ADAMTS2: variants seen among roughly 807,000 people sequenced by gnomAD.
The protein encoded by ADAMTS2 is A disintegrin and metalloproteinase with thrombospondin motifs 2.
In ADAMTS2, 50 loss-of-function variants were observed where a neutral mutation model predicts 123.0. The ratio of observed to expected loss-of-function variants is 0.41; its 90% CI spans 0.32 to 0.51. The LOEUF is 0.51. Ranked by LOEUF, ADAMTS2 falls within the 20% of genes least tolerant of loss-of-function variation. ADAMTS2 has a pLI of 0.35. For synonymous variants in ADAMTS2, 678 were observed against 695.4 expected (o/e 0.98, Z 0.39); for missense variants, 1,494 against 1,705.2 (o/e 0.88, Z 2.18).
In ADAMTS2 at chr5:179,162,298, C is replaced by A. The variant is rs1333140930; in HGVS notation, c.976-3419G>T. Among the ~76,000 whole-genome samples, 1 of 151,540 alleles carries A rather than the reference C, an allele frequency of 6.6e-6. No homozygotes were observed. The highest frequency in any genetic ancestry group is 1.5e-5 in the Non-Finnish European group (1 of 68,026). ...AATCCCAGCACCACGCCTTCCTGGC[C>A]ACCATGAAGGATCAGGGTGAACATA... is the stretch of plus-strand genomic sequence containing the variant. On this transcript the variant is annotated intron_variant, in intron 5 of 21. Coordinates refer to ENST00000251582, the MANE Select transcript of ADAMTS2 (RefSeq NM_014244.5). This position sits in a 1 kb window ranked among gnomAD's most constrained non-coding sequence, Gnocchi z 5.1.
chr5:179,217,794 AAGG>A (rs1351324274), intron 3 of ADAMTS2, among the ~76,000 whole-genome samples: 4 of 91,284 alleles, frequency 4.4e-5, no homozygotes, highest in African/African-American at 1.5e-4. Flanking sequence ...GGGATGGCGC[AAGG>A]GGGGGATGGG....
At chr5:179,245,047 T>C (rs1184115807) in intron 3 of ADAMTS2, among the ~76,000 whole-genome samples, 1 of 152,182 alleles carries the variant, frequency 6.6e-6, no homozygotes, top group East Asian at 1.9e-4. Context: ...AAAATTAACA[T>C]TGTAAATCAG....
At chr5:179,266,993 G>A (rs527919225) in intron 3 of ADAMTS2, among the ~76,000 whole-genome samples, 3 of 152,300 alleles carry the variant, frequency 2.0e-5, no homozygotes, top group African/African-American at 7.2e-5. Context: ...TGTGAGACTG[G>A]AGGGCGCCAT....
In ADAMTS2 at chr5:179,129,963, A is replaced by G; in HGVS notation, c.2426T>C (p.Met809Thr). The G allele has an allele frequency of 6.2e-7, 1 of 1,613,868 alleles. No homozygotes were observed. The highest frequency in any genetic ancestry group is 8.5e-7 in the Non-Finnish European group (1 of 1,179,992). Residue 809 changes from methionine to threonine, a missense_variant, in exon 16 of 22, where the codon ATG (methionine) becomes ACG (threonine). Around this residue, in one of 6 missense-constraint regions of ADAMTS2, gnomAD observed 953 missense variants for 1,124.7 expected, o/e 0.85. Coordinates refer to ENST00000251582, the MANE Select transcript of ADAMTS2 (RefSeq NM_014244.5). The surrounding 1 kb of genome is among the most constrained non-coding windows in gnomAD (Gnocchi z 4.1). ...GGTGATGGTGCCGTGGAGGGGGCCC[A>G]TGGTCTGCAGCGTCTCCCGGCCGTC... ...DEDGRETLQT[M>T]GPLHGTITVL...
In ADAMTS2 at chr5:179,317,959, G is replaced by C. The variant is rs941759281; in HGVS notation, c.534+25808C>G. Among the ~76,000 whole-genome samples the C allele has an allele frequency of 2.6e-5, 4 of 152,296 alleles. No individual in the cohort carries two copies. The highest frequency in any genetic ancestry group is 4.4e-5 in the Non-Finnish European group (3 of 68,022). ...CTCATCCAGGGCTGGGGTGGAGCCG[G>C]GACATGAGGAACGGGCAGTGATGAA... On this transcript the variant is annotated intron_variant, in intron 2 of 21. Coordinates refer to ENST00000251582, the MANE Select transcript of ADAMTS2 (RefSeq NM_014244.5). This position sits in a 1 kb window ranked among gnomAD's most constrained non-coding sequence, Gnocchi z 4.9.
At chr5:179,224,955 A>G (rs1051769621) in intron 3 of ADAMTS2, among the ~76,000 whole-genome samples, 1 of 152,136 alleles carries the variant, frequency 6.6e-6, no homozygotes, top group African/African-American at 2.4e-5. Flanking sequence ...GTTCTGGCCA[A>G]CCAGAGTGAG....
chr5:179,317,895 C>T lies in ADAMTS2; in HGVS notation c.534+25872G>A, dbSNP rs1327534961. Among the ~76,000 whole-genome samples the T allele has an allele frequency of 6.6e-6, 1 of 152,132 alleles. No homozygotes were observed. The highest frequency in any genetic ancestry group is 1.5e-5 in the Non-Finnish European group (1 of 68,028). The stretch of plus-strand genomic sequence containing the variant: ...GTGTAGACTGGGCCAGGGAAAGGTT[C>T]TGGAAACCCAGACTGAAGGTTCCCT... On this transcript the variant is annotated intron_variant, in intron 2 of 21. Coordinates refer to ENST00000251582, the MANE Select transcript of ADAMTS2 (RefSeq NM_014244.5). The surrounding 1 kb of genome is among the most constrained non-coding windows in gnomAD (Gnocchi z 4.9).
At chr5:179,145,567 C>T (rs1581151225) in intron 10 of ADAMTS2, among the ~76,000 whole-genome samples, 2 of 152,266 alleles carry the variant, frequency 1.3e-5, no homozygotes, top group East Asian at 1.9e-4. Flanking sequence ...CAGGGATGAG[C>T]CCTGTGAACA....
chr5:179,182,577 A>G (rs866749907), intron 4 of ADAMTS2, among the ~76,000 whole-genome samples: 1 of 152,186 alleles, frequency 6.6e-6, no homozygotes, highest in African/African-American at 2.4e-5. Flanking sequence ...GCCCGCTGGC[A>G]TCGGTGCTGG....
chr5:179,124,466 C>T (rs1282813842), intron 19 of ADAMTS2, among the ~76,000 whole-genome samples: 1 of 152,192 alleles, frequency 6.6e-6, no homozygotes, highest in African/African-American at 2.4e-5. Flanking sequence ...CCCCTAGGAT[C>T]CTGGAGCCCC....
Position 179,286,946 on chromosome 5 carries a change from C to G in ADAMTS2, c.535-13882G>C, listed in dbSNP as rs554494486. ...GTCATTCATGTTGAATCAGTGACTTCATTTTCAGTTAATTATCTCTTTAAA... is the reference window on the plus strand; with the variant it reads ...GTCATTCATGTTGAATCAGTGACTTGATTTTCAGTTAATTATCTCTTTAAA... On this transcript the variant is annotated intron_variant, in intron 2 of 21. Coordinates refer to ENST00000251582, the MANE Select transcript of ADAMTS2 (RefSeq NM_014244.5). Among the ~76,000 whole-genome samples the G allele has an allele frequency of 2.0e-5, 3 of 152,316 alleles. No individual in the cohort carries two copies. In the South Asian group the frequency reaches 6.2e-4, roughly 32 times the overall value.
chr5:179,328,348 A>C (rs1291190516), intron 2 of ADAMTS2, among the ~76,000 whole-genome samples: 1 of 152,242 alleles, frequency 6.6e-6, no homozygotes, highest in South Asian at 2.1e-4. Flanking sequence ...TTATTTCAGA[A>C]GGACTTTTTG....
intron 4 of ADAMTS2, among the ~76,000 whole-genome samples, chr5:179,196,729 G>C (rs1355723114): frequency 6.6e-6 from 1 of 152,188 alleles, no homozygotes; most frequent in Non-Finnish European, 1.5e-5. Flanking sequence ...CACTAAGCAA[G>C]TACATTTCTG....
At chr5:179,306,133 TA>T (rs965928377) in intron 2 of ADAMTS2, among the ~76,000 whole-genome samples, 96 of 142,150 alleles carry the variant, frequency 6.8e-4, no homozygotes, top group Middle Eastern at 7.1e-3. Flanking sequence ...GACAGTTCAA[TA>T]AAAAAAAAAA....
At chr5:179,274,707 C>G (rs1029216296) in intron 2 of ADAMTS2, among the ~76,000 whole-genome samples, 2 of 152,220 alleles carry the variant, frequency 1.3e-5, no homozygotes, top group South Asian at 2.1e-4. Context: ...GTCAGTGCCC[C>G]CCAGGGCCTG....
chr5:179,299,255 C>T (rs375099427), intron 2 of ADAMTS2, among the ~76,000 whole-genome samples: 41 of 149,668 alleles, frequency 2.7e-4, no homozygotes, highest in South Asian at 1.1e-3. Flanking sequence ...TTTGTCCAGG[C>T]GCGGTGGCTC....
intron 2 of ADAMTS2, among the ~76,000 whole-genome samples, chr5:179,294,877 C>G (rs1756287080): frequency 6.6e-6 from 1 of 152,348 alleles, no homozygotes; most frequent in East Asian, 1.9e-4. Context: ...TCTTTTCCAC[C>G]CCAAATGCTG....
intron 4 of ADAMTS2, among the ~76,000 whole-genome samples, chr5:179,187,450 A>G (rs1055818799): frequency 2.6e-5 from 4 of 152,244 alleles, no homozygotes; most frequent in African/African-American, 4.8e-5. Context: ...TGTCTAGCCC[A>G]TAGTAGGTGC....
At chr5:179,176,289 C>T (rs1391537025) in intron 5 of ADAMTS2, among the ~76,000 whole-genome samples, 7 of 152,168 alleles carry the variant, frequency 4.6e-5, no homozygotes, top group Admixed American at 4.6e-4. Context: ...AACACTGGAG[C>T]CCTGAGGCCT....
Sources: allele counts gnomAD v4.1 joint callset (sites outside exome capture counted in the v4.1 genomes callset), GRCh38; gene constraint gnomAD v4.1.1; regional missense constraint gnomAD v4.1.1; non-coding constraint Gnocchi (gnomAD v3.1); transcripts MANE v1.5; gene names NCBI Gene and HGNC (gene_info 2026-07-23, HGNC 2026-07-21).